Variants in UGT3A2 observed in about 807,000 individuals in gnomAD.
UGT3A2 encodes UDP-glycosyltransferase 3A2.
A neutral mutation model predicts 39.8 loss-of-function variants in UGT3A2; 32 were observed. That is an observed-to-expected ratio of 0.80 (90% CI 0.61 to 1.08). The LOEUF is 1.08. UGT3A2 is among the 50% of genes least tolerant of loss of function. The probability of loss-of-function intolerance (pLI) is 0.00; values close to 1 mark genes in which losing one functional copy is unlikely to be tolerated. For missense variants in UGT3A2, 611 were observed against 637.1 expected, an observed-to-expected ratio of 0.96 and a Z score of 0.44; for synonymous variants, 241 against 230.7, an observed-to-expected ratio of 1.04 and a Z score of -0.40.
chr5:36,044,788 C>A (rs1742116383), intron 4 of UGT3A2, among the ~76,000 whole-genome samples: 2 of 152,108 alleles, frequency 1.3e-5, no homozygotes, highest in South Asian at 4.1e-4. Flanking sequence ...AGTAAAAGAT[C>A]TCTCCAATAA....
chr5:36,062,449 C>T (rs1407456059), intron 2 of UGT3A2, among the ~76,000 whole-genome samples: 1 of 152,042 alleles, frequency 6.6e-6, no homozygotes, highest in African/African-American at 2.4e-5. Context: ...CCAGTTTCAG[C>T]TTTCTACGTA....
chr5:36,043,574 T>G (rs754084546), intron 4 of UGT3A2, among the ~76,000 whole-genome samples: 25 of 151,206 alleles, frequency 1.7e-4, no homozygotes, highest in Non-Finnish European at 2.5e-4. Context: ...ATCAATGAAA[T>G]GAAAAGTTTG....
intron 4 of UGT3A2, among the ~76,000 whole-genome samples, chr5:36,045,098 AG>A (rs1201563317): frequency 6.6e-6 from 1 of 152,204 alleles, no homozygotes; most frequent in Non-Finnish European, 1.5e-5. Flanking sequence ...ACAAGACTAT[AG>A]TAACCAAAAC....
At chr5:36,052,990 C>A (rs1742397373) in intron 2 of UGT3A2, among the ~76,000 whole-genome samples, 1 of 152,194 alleles carries the variant, frequency 6.6e-6, no homozygotes, top group Non-Finnish European at 1.5e-5. Flanking sequence ...TTTTAACAGG[C>A]TCTCAGCCAC....
At chr5:36,036,475 CA>C (rs1334340447) in intron 6 of UGT3A2, among the ~76,000 whole-genome samples, 2 of 152,200 alleles carry the variant, frequency 1.3e-5, no homozygotes, top group Non-Finnish European at 2.9e-5. Context: ...TCGAAGTTCT[CA>C]AACTTTATAA....
At chr5:36,058,436 T>G (rs980417818) in intron 2 of UGT3A2, among the ~76,000 whole-genome samples, 1 of 152,220 alleles carries the variant, frequency 6.6e-6, no homozygotes, top group African/African-American at 2.4e-5. Flanking sequence ...CACTGGAGAC[T>G]ATATGAGTAA....
chr5:36,062,837 C>T (rs147774606), intron 2 of UGT3A2, among the ~76,000 whole-genome samples: 3,045 of 152,180 alleles, frequency 0.02, 57 homozygotes, highest in Non-Finnish European at 0.031. Flanking sequence ...GTCAGGAGTT[C>T]GAGACTAGCC....
chr5:36,050,073 T>C (rs1226939302), intron 3 of UGT3A2, among the ~76,000 whole-genome samples: 1 of 150,782 alleles, frequency 6.6e-6, no homozygotes, highest in Non-Finnish European at 1.5e-5. Context: ...ATTATTCCTT[T>C]ATTATTGACT....
At position 36,035,511 on chromosome 5, in the gene UGT3A2, T is replaced by C. The variant is rs1741788969; in HGVS notation, c.*187A>G. 1 of 808,582 alleles carries C rather than the reference T, an allele frequency of 1.2e-6. No homozygotes were observed. The highest frequency in any genetic ancestry group is 1.9e-6 in the Non-Finnish European group (1 of 522,230). 50.1% of individuals were successfully genotyped at this position (808,582 alleles called of 1,614,324 possible). ...AAGAATTCTGCTAGCAGGCAGGAGC[T>C]AGTAAGGATGAATTTGTAGCAAAAT... On this transcript the variant is annotated 3_prime_UTR_variant, in exon 7 of 7. Coordinates refer to ENST00000282507, the MANE Select transcript of UGT3A2 (RefSeq NM_174914.4).
intron 1 of UGT3A2, among the ~76,000 whole-genome samples, chr5:36,065,678 T>C (rs937560746): frequency 6.6e-6 from 1 of 152,130 alleles, no homozygotes; most frequent in Non-Finnish European, 1.5e-5. Flanking sequence ...GAGTGGAAGT[T>C]GTGGTGAGCA....
intron 2 of UGT3A2, among the ~76,000 whole-genome samples, chr5:36,059,359 CTCTTT>C (rs1742613220): frequency 4.4e-5 from 5 of 114,700 alleles, no homozygotes; most frequent in Admixed American, 3.6e-4. Flanking sequence ...TATTTCTTTT[CTCTTT>C]TTTTTTTTTT....
intron 4 of UGT3A2, among the ~76,000 whole-genome samples, chr5:36,041,368 C>A (rs1322467987): frequency 6.6e-6 from 1 of 152,184 alleles, no homozygotes; most frequent in Non-Finnish European, 1.5e-5. Flanking sequence ...GACTAAAGAG[C>A]TCTTGAGCCT....
At chr5:36,036,490 G>A (rs544580621) in intron 6 of UGT3A2, among the ~76,000 whole-genome samples, 1 of 152,252 alleles carries the variant, frequency 6.6e-6, no homozygotes, top group South Asian at 2.1e-4. Context: ...TTTATAATAA[G>A]AGGCTCCACA....
intron 2 of UGT3A2, among the ~76,000 whole-genome samples, chr5:36,061,689 T>C (rs1284981576): frequency 6.0e-5 from 9 of 150,604 alleles, no homozygotes; most frequent in African/African-American, 2.3e-4. Flanking sequence ...TGAATAATGC[T>C]GCAATAAACA....
At chr5:36,055,029 A>G (rs1003756597) in intron 2 of UGT3A2, among the ~76,000 whole-genome samples, 7 of 151,834 alleles carry the variant, frequency 4.6e-5, no homozygotes, top group African/African-American at 1.7e-4. Flanking sequence ...ATTCTTGGGT[A>G]CCGGGAGGCT....
At chr5:36,056,886 G>C (rs150096494) in intron 2 of UGT3A2, among the ~76,000 whole-genome samples, 1 of 152,124 alleles carries the variant, frequency 6.6e-6, no homozygotes. Context: ...TCTACAAAAA[G>C]CCTGTGTATG....
At chr5:36,050,834 C>T (rs1432266303) in intron 3 of UGT3A2, among the ~76,000 whole-genome samples, 1 of 149,936 alleles carries the variant, frequency 6.7e-6, no homozygotes, top group Admixed American at 6.7e-5. Flanking sequence ...TGCACTCCAG[C>T]CTGGGCAACA....
chr5:36,035,661 G>A lies in UGT3A2; in HGVS notation c.*37C>T, dbSNP rs778702823. 8.7e-5 allele frequency: 139 copies of A among 1,597,330 alleles called. No homozygotes were observed. Among genetic ancestry groups the A allele is most frequent in the Admixed American group, 1.0e-4 (6 of 59,056 alleles). ...GAAGCTCCCTAGAAATGGTGACATCGCCCACCAAACAGACCCCGCCAAGGC... is the reference window on the plus strand; with the variant it reads ...GAAGCTCCCTAGAAATGGTGACATCACCCACCAAACAGACCCCGCCAAGGC... On this transcript the variant is annotated 3_prime_UTR_variant, in exon 7 of 7. Transcript: ENST00000282507.
intron 1 of UGT3A2, among the ~76,000 whole-genome samples, chr5:36,065,586 AAG>A (rs1299231085): frequency 7.2e-5 from 11 of 152,054 alleles, no homozygotes; most frequent in African/African-American, 2.7e-4. Context: ...AACACTCAGA[AAG>A]AGGGGGAAAA....
Sources: allele counts gnomAD v4.1 joint callset (sites outside exome capture counted in the v4.1 genomes callset), GRCh38; gene constraint gnomAD v4.1.1; transcripts MANE v1.5; gene names NCBI Gene and HGNC (gene_info 2026-07-23, HGNC 2026-07-21).